Variants in XKR6 observed in about 807,000 individuals in gnomAD.
The protein encoded by XKR6 is XK-related protein 6.
A neutral mutation model predicts 56.7 loss-of-function variants in XKR6; 22 were observed. That is an observed-to-expected ratio of 0.39 (90% confidence interval 0.28 to 0.55). The LOEUF (loss-of-function observed/expected upper bound fraction) is 0.55. Ranked by LOEUF, XKR6 falls within the 20% of genes least tolerant of loss-of-function variation. The pLI, the probability that XKR6 is intolerant of heterozygous loss-of-function variation, is 0.66. For missense variants in XKR6, 852 were observed against 889.0 expected (o/e 0.96, Z 0.53); for synonymous variants, 524 against 387.8 (o/e 1.35, Z -4.13).
intron 1 of XKR6, among the ~76,000 whole-genome samples, chr8:11,042,247 T>A (rs1213915605): frequency 6.6e-6 from 1 of 151,522 alleles, no homozygotes; most frequent in South Asian, 2.1e-4. Context: ...TTTTTTTTTT[T>A]ATCTTGAAAT....
intron 1 of XKR6, among the ~76,000 whole-genome samples, chr8:11,045,420 A>T (rs569482231): frequency 5.9e-5 from 9 of 152,186 alleles, no homozygotes; most frequent in Non-Finnish European, 1.3e-4. Context: ...AAATATATCA[A>T]TCTGATTTTG....
intron 1 of XKR6, among the ~76,000 whole-genome samples, chr8:10,961,461 G>A (rs1481267306): frequency 6.6e-6 from 1 of 152,238 alleles, no homozygotes; most frequent in African/African-American, 2.4e-5. Context: ...GGGGAAATAG[G>A]AGTCGGGGTG....
chr8:10,900,192 C>T (rs533623908), intron 2 of XKR6, among the ~76,000 whole-genome samples: 1 of 152,192 alleles, frequency 6.6e-6, no homozygotes, highest in Non-Finnish European at 1.5e-5. Context: ...CGACATTCTT[C>T]CAGGTTGAAA....
intron 2 of XKR6, among the ~76,000 whole-genome samples, chr8:10,903,955 C>T (rs1800114546): frequency 6.6e-6 from 1 of 152,178 alleles, no homozygotes; most frequent in African/African-American, 2.4e-5. Context: ...TCCGTCTTGT[C>T]TGAAGTCAAC....
chr8:10,970,644 C>T (rs1478348686), intron 1 of XKR6, among the ~76,000 whole-genome samples: 2 of 152,086 alleles, frequency 1.3e-5, no homozygotes, highest in East Asian at 1.9e-4. Flanking sequence ...TGTTTTTCCT[C>T]ATCAGGGTGG....
intron 1 of XKR6, among the ~76,000 whole-genome samples, chr8:11,099,959 C>G (rs1395235217): frequency 6.6e-6 from 1 of 152,118 alleles, no homozygotes; most frequent in Non-Finnish European, 1.5e-5. Context: ...ATGCAAGGGC[C>G]CTGAGGCACG....
At chr8:10,907,514 A>C (rs564222263) in intron 2 of XKR6, among the ~76,000 whole-genome samples, 4 of 152,330 alleles carry the variant, frequency 2.6e-5, no homozygotes, top group Non-Finnish European at 5.9e-5. Context: ...CCATGCTATC[A>C]GCAGCAGCAG....
chr8:11,135,668 A>G (rs1162993966), intron 1 of XKR6, among the ~76,000 whole-genome samples: 1 of 152,162 alleles, frequency 6.6e-6, no homozygotes, highest in Non-Finnish European at 1.5e-5. Flanking sequence ...TCATGAAAAA[A>G]TGTCTGAAAA....
At chr8:11,117,463 T>G (rs1392515964) in intron 1 of XKR6, among the ~76,000 whole-genome samples, 1 of 152,134 alleles carries the variant, frequency 6.6e-6, no homozygotes, top group Non-Finnish European at 1.5e-5. Context: ...GAAAACAGAA[T>G]GTCTGAATGA....
At chr8:11,167,982 G>T (rs1349464985) in intron 1 of XKR6, among the ~76,000 whole-genome samples, 1 of 148,994 alleles carries the variant, frequency 6.7e-6, no homozygotes, top group Non-Finnish European at 1.5e-5. Context: ...CACAAGACAA[G>T]GAATATAATC....
At chr8:11,170,500 T>G (rs1428432216) in intron 1 of XKR6, among the ~76,000 whole-genome samples, 1 of 152,166 alleles carries the variant, frequency 6.6e-6, no homozygotes, top group Non-Finnish European at 1.5e-5. Flanking sequence ...ACTAGGCAAC[T>G]CTACAGACAC....
chr8:11,049,522 G>A (rs1376266276), intron 1 of XKR6, among the ~76,000 whole-genome samples: 2 of 152,164 alleles, frequency 1.3e-5, no homozygotes, highest in Non-Finnish European at 2.9e-5. Flanking sequence ...AAGAGCTGAA[G>A]ACCCTACTGA....
chr8:11,135,441 C>T (rs10109542), intron 1 of XKR6, among the ~76,000 whole-genome samples: 12,808 of 152,162 alleles, frequency 0.084, 1,760 homozygotes, highest in African/African-American at 0.29. Flanking sequence ...TCATGATTTA[C>T]TTACAGTTTA....
intron 1 of XKR6, among the ~76,000 whole-genome samples, chr8:11,036,054 C>T (rs181971819): frequency 1.3e-5 from 2 of 151,320 alleles, no homozygotes; most frequent in East Asian, 3.9e-4. Flanking sequence ...AGCAATCCTC[C>T]TGCCTCAGCC....
At chr8:10,913,147 T>C (rs991903593) in intron 2 of XKR6, among the ~76,000 whole-genome samples, 11 of 151,764 alleles carry the variant, frequency 7.2e-5, no homozygotes. Context: ...TTTCTGTGTA[T>C]GTATATGTGT....
intron 1 of XKR6, among the ~76,000 whole-genome samples, chr8:11,143,323 G>C (rs1455057876): frequency 6.6e-6 from 1 of 152,152 alleles, no homozygotes; most frequent in Admixed American, 6.5e-5. Context: ...GGGTGACATG[G>C]CAAGACCAAG....
intron 1 of XKR6, among the ~76,000 whole-genome samples, chr8:11,115,833 G>GA (rs1799145557): frequency 6.6e-6 from 1 of 152,146 alleles, no homozygotes. Flanking sequence ...GTTAAAACCA[G>GA]AAGAATAAAT....
chr8:11,055,654 G>T (rs1022136703), intron 1 of XKR6, among the ~76,000 whole-genome samples: 1 of 152,354 alleles, frequency 6.6e-6, no homozygotes, highest in African/African-American at 2.4e-5. Flanking sequence ...TTTGGAGCTG[G>T]AGGTGACTGC....
intron 1 of XKR6, among the ~76,000 whole-genome samples, chr8:11,136,479 G>T (rs141152087): frequency 9.2e-4 from 139 of 150,476 alleles, no homozygotes; most frequent in Middle Eastern, 3.4e-3. Flanking sequence ...ACTCCAGCCC[G>T]GGCAACAAAA....
Sources: allele counts gnomAD v4.1 joint callset (sites outside exome capture counted in the v4.1 genomes callset), GRCh38; gene constraint gnomAD v4.1.1; transcripts MANE v1.5; gene names NCBI Gene and HGNC (gene_info 2026-07-23, HGNC 2026-07-21).